The following TSTD2 variants were observed in gnomAD, a reference collection of about 807,000 sequenced individuals.
TSTD2 encodes thiosulfate sulfurtransferase/rhodanese-like domain-containing protein 2.
In TSTD2, 37 loss-of-function variants were observed where a neutral mutation model predicts 47.9. The observed-to-expected ratio is 0.77, with a 90% CI of 0.59 to 1.02. TSTD2 has a LOEUF of 1.02. Among genes scored for constraint, TSTD2 ranks in the 50% least tolerant of loss-of-function variants. The pLI is 0.00. For missense variants in TSTD2, 586 were observed against 616.0 expected (o/e 0.95, Z 0.52); for synonymous variants, 201 against 215.9 (o/e 0.93, Z 0.61).
chr9:97,632,531 A>G (rs1215988372), intron 1 of TSTD2, among the ~76,000 whole-genome samples: 2 of 148,934 alleles, frequency 1.3e-5, no homozygotes, highest in Admixed American at 1.3e-4. Flanking sequence ...TACAGGCGCC[A>G]AACACTAGGC....
chr9:97,616,213 C>A (rs1826539115), intron 4 of TSTD2, among the ~76,000 whole-genome samples: 1 of 151,910 alleles, frequency 6.6e-6, no homozygotes, highest in African/African-American at 2.4e-5. Context: ...CGGTGGGTTC[C>A]AAAAAACTGA....
At chr9:97,604,619 A>G in intron 9 of TSTD2, 108 bp downstream of exon 9, 1 of 1,462,864 alleles carries the variant, frequency 6.8e-7, no homozygotes. Context: ...CTGCTTATTC[A>G]GTGCTCAGTA....
Position 97,600,718 on chromosome 9 carries a change from G to A in TSTD2, c.*1751C>T. 1 of 1,005,732 alleles carries A rather than the reference G, an allele frequency of 9.9e-7. No homozygotes were observed. The highest frequency in any genetic ancestry group is 1.2e-6 in the Non-Finnish European group (1 of 842,202). 62.3% of individuals were successfully genotyped at this position (1,005,732 alleles called of 1,614,324 possible). A position where few individuals can be genotyped will look rare whatever the true frequency, so the allele number is the denominator to read the frequency against. On this transcript the variant is annotated 3_prime_UTR_variant, in exon 10 of 10. Coordinates refer to ENST00000341170, the MANE Select transcript of TSTD2 (RefSeq NM_139246.5). ...CCTCCGCAGGATGCCGGACAATGGT[G>A]AAGAAACTCCAGATATCAAGGAATT... is the stretch of plus-strand genomic sequence containing the variant.
chr9:97,605,353 G>C, intron 8 of TSTD2, 130 bp downstream of exon 8: 1 of 1,072,046 alleles, frequency 9.3e-7, no homozygotes, highest in Non-Finnish European at 1.3e-6. Flanking sequence ...GGAGCCATAC[G>C]AGGGGTGAAG....
intron 4 of TSTD2, 148 bp downstream of exon 4, chr9:97,617,609 T>C (rs1160144607): frequency 8.7e-6 from 9 of 1,038,438 alleles, no homozygotes; most frequent in Non-Finnish European, 1.2e-5. Flanking sequence ...AATGGCTGCC[T>C]AATATTCTAC....
At chr9:97,602,891 G>C (rs1004410938) in intron 9 of TSTD2, 124 bp from the exon 10 acceptor site, 245 of 980,160 alleles carry the variant, frequency 2.5e-4, no homozygotes, top group Non-Finnish European at 3.5e-4. Context: ...TTTCCAAATA[G>C]TAAGTCTTCT....
At chr9:97,632,205 A>G (rs369751756) in intron 1 of TSTD2, among the ~76,000 whole-genome samples, 1 of 152,236 alleles carries the variant, frequency 6.6e-6, no homozygotes. Context: ...AGTGACCAAG[A>G]GCCAGCCACG....
At chr9:97,628,748 A>G (rs1281034280) in intron 1 of TSTD2, among the ~76,000 whole-genome samples, 1 of 152,180 alleles carries the variant, frequency 6.6e-6, no homozygotes. Context: ...GGTTCTCAAA[A>G]GGATACGCTA....
chr9:97,602,184 T>C lies in TSTD2; in HGVS notation c.*285A>G. 2 of 392,266 alleles carry C rather than the reference T, an allele frequency of 5.1e-6. No homozygotes were observed. Among genetic ancestry groups the C allele is most frequent in the Non-Finnish European group, 9.1e-6 (2 of 219,680 alleles). 24.3% of individuals were successfully genotyped at this position (392,266 alleles called of 1,614,324 possible). On this transcript the variant is annotated 3_prime_UTR_variant, in exon 10 of 10. Coordinates refer to ENST00000341170, the MANE Select transcript of TSTD2 (RefSeq NM_139246.5). ...AGCTGCATGGAACAGAAAGGGCATA[T>C]GCTGTGGCCACCAGGCTCAGGCTCT... is the stretch of plus-strand genomic sequence containing the variant.
At chr9:97,622,433 T>G (rs907474688) in intron 3 of TSTD2, among the ~76,000 whole-genome samples, 1 of 152,230 alleles carries the variant, frequency 6.6e-6, no homozygotes, top group African/African-American at 2.4e-5. Flanking sequence ...GGCAGGGCCT[T>G]CATGGAGAAC....
At position 97,600,926 on chromosome 9, in the gene TSTD2, T is replaced by G. The variant is rs1826242956; in HGVS notation, c.*1543A>C. On this transcript the variant is annotated 3_prime_UTR_variant, in exon 10 of 10. Transcript: ENST00000341170. Reference sequence around the variant, plus strand: ...TAAACTAATATTTTTGTTTGTTGCTTTTGGGAGTTATTTTCATTAGTGATT... The same window carrying G: ...TAAACTAATATTTTTGTTTGTTGCTGTTGGGAGTTATTTTCATTAGTGATT... The G allele has an allele frequency of 1.7e-6, 2 of 1,158,742 alleles. No homozygotes were observed. Among genetic ancestry groups the G allele is most frequent in the Non-Finnish European group, 1.1e-6 (1 of 917,702 alleles). The allele number at this position is 1,158,742 out of a possible 1,614,324, so 71.8% of individuals were successfully genotyped here.
chr9:97,603,825 G>A (rs1338446839), intron 9 of TSTD2, among the ~76,000 whole-genome samples: 1 of 152,098 alleles, frequency 6.6e-6, no homozygotes, highest in Non-Finnish European at 1.5e-5. Flanking sequence ...TCAGCCTCCT[G>A]AGTATCTGGT....
chr9:97,617,801 C>T lies in TSTD2; in HGVS notation c.559G>A (p.Ala187Thr), dbSNP rs747547389. Residue 187 changes from alanine (A) to threonine (T), a missense_variant, in exon 4 of 10, where the codon GCC becomes ACC. Physicochemically the swap from Ala to Thr is moderately conservative, Grantham distance 58. Transcript: ENST00000341170. ...TGCTGACACAGAGCTGTCTGCCAGG[C>T]ACAGATCCATTGGGGATCCTCCAGG... ...HDLEDPQWIC[A>T]WQTALCQHLH... 6.2e-7 allele frequency: 1 copy of T among 1,614,030 alleles called. No individual in the cohort carries two copies. Among genetic ancestry groups the T allele is most frequent in the African/African-American group, 1.3e-5 (1 of 74,934 alleles).
chr9:97,603,331 ACAT>A (rs1826304009), intron 9 of TSTD2, among the ~76,000 whole-genome samples: 1 of 152,126 alleles, frequency 6.6e-6, no homozygotes, highest in African/African-American at 2.4e-5. Flanking sequence ...ACTATTGATA[ACAT>A]CATTCTTCCT....
chr9:97,611,837 T>C, intron 4 of TSTD2, 138 bp from the exon 5 acceptor site: 1 of 803,302 alleles, frequency 1.2e-6, no homozygotes, highest in East Asian at 2.5e-5. Context: ...AAAGTGTTAC[T>C]GGACAAAGAT....
At chr9:97,603,706 A>G (rs555983082) in intron 9 of TSTD2, among the ~76,000 whole-genome samples, 1 of 152,274 alleles carries the variant, frequency 6.6e-6, no homozygotes. Context: ...CCTGGCCTAG[A>G]AAAACTTTTT....
At position 97,600,953 on chromosome 9, in the gene TSTD2, C is replaced by A; in HGVS notation, c.*1516G>T. Reference sequence around the variant, plus strand: ...TGGGAGTTATTTTCATTAGTGATTTCAGCAAATCTCATGATAAAGGACAAG... The same window carrying A: ...TGGGAGTTATTTTCATTAGTGATTTAAGCAAATCTCATGATAAAGGACAAG... On this transcript the variant is annotated 3_prime_UTR_variant, in exon 10 of 10. Coordinates refer to ENST00000341170, the MANE Select transcript of TSTD2 (RefSeq NM_139246.5). The A allele has an allele frequency of 8.8e-7, 1 of 1,135,662 alleles. No homozygotes were observed. The highest frequency in any genetic ancestry group is 1.1e-6 in the Non-Finnish European group (1 of 902,810). The allele number at this position is 1,135,662 out of a possible 1,614,324, so 70.3% of individuals were successfully genotyped here. A position where few individuals can be genotyped will look rare whatever the true frequency, so the allele number is the denominator to read the frequency against.
At position 97,600,760 on chromosome 9, in the gene TSTD2, A is replaced by ACC. The variant is rs1826239316; in HGVS notation, c.*1707_*1708dup. The ACC allele has an allele frequency of 3.0e-6, 3 of 1,006,698 alleles. No homozygotes were observed. Among genetic ancestry groups the ACC allele is most frequent in the Non-Finnish European group, 3.6e-6 (3 of 842,646 alleles). The allele number at this position is 1,006,698 out of a possible 1,614,324, so 62.4% of individuals were successfully genotyped here. ...CAAGGAATTGGGAAATCCTGGCCAAACCACCCCAAGATGATTACACTGAAA... is the reference window on the plus strand; with the variant it reads ...CAAGGAATTGGGAAATCCTGGCCAAACCCCACCCCAAGATGATTACACTGAAA... On this transcript the variant is annotated 3_prime_UTR_variant, in exon 10 of 10. Transcript: ENST00000341170.
chr9:97,601,368 C>T lies in TSTD2; in HGVS notation c.*1101G>A. The T allele has an allele frequency of 9.1e-7, 1 of 1,093,866 alleles. No homozygotes were observed. The highest frequency in any genetic ancestry group is 2.2e-5 in the South Asian group (1 of 45,920). The allele number at this position is 1,093,866 out of a possible 1,614,324, so 67.8% of individuals were successfully genotyped here. A position where few individuals can be genotyped will look rare whatever the true frequency, so the allele number is the denominator to read the frequency against. ...CTGGATGACCTCAGTAAGAATGTGT[C>T]ATGTATTCCAGGTGCTGATCTAAAA... On this transcript the variant is annotated 3_prime_UTR_variant, in exon 10 of 10. Coordinates refer to ENST00000341170, the MANE Select transcript of TSTD2 (RefSeq NM_139246.5).
Sources: allele counts gnomAD v4.1 joint callset (sites outside exome capture counted in the v4.1 genomes callset), GRCh38; gene constraint gnomAD v4.1.1; transcripts MANE v1.5; gene names NCBI Gene and HGNC (gene_info 2026-07-23, HGNC 2026-07-21).